EPS15: variants seen among roughly 807,000 people sequenced by gnomAD.
EPS15 encodes epidermal growth factor receptor pathway substrate 15, also known as epidermal growth factor receptor substrate 15.
EPS15 carries 72 observed loss-of-function variants against 113.8 expected under a neutral mutation model. The ratio of observed to expected loss-of-function variants is 0.63; its 90% CI spans 0.52 to 0.77. The LOEUF is 0.77. EPS15 is among the 30% of genes least tolerant of loss of function. EPS15 has a pLI of 0.00. For missense variants in EPS15, 1,048 were observed against 1,045.8 expected, an observed-to-expected ratio of 1.00 and a Z score of -0.03; for synonymous variants, 344 against 363.4, an observed-to-expected ratio of 0.95 and a Z score of 0.61.
chr1:51,394,373 T>A lies in EPS15; in HGVS notation c.2119+8A>T. ...ATGTTCAATGAAGTTGATAAATTAT[T>A]TATTTACCTGAATCGCTTGCTGCAA... On this transcript the variant is annotated splice_region_variant and intron_variant, in intron 21 of 24. Transcript: ENST00000371733. The A allele has an allele frequency of 6.4e-7, 1 of 1,570,660 alleles. No homozygotes were observed. Among genetic ancestry groups the A allele is most frequent in the South Asian group, 1.2e-5 (1 of 84,990 alleles).
At position 51,479,282 on chromosome 1, in the gene EPS15, G is replaced by A. The variant is rs189479621; in HGVS notation, c.75+1991C>T. 1.3e-3 allele frequency among the ~76,000 whole-genome samples: 202 copies of A among 152,178 alleles called. No homozygotes were observed. The Middle Eastern group carries it at 0.017, about 13-fold the overall frequency. On this transcript the variant is annotated intron_variant, in intron 2 of 24. Transcript: ENST00000371733. ...CTTGTGCTTGCGTCACGTAGTTCTCGTGCCATGGTTTTCAGCTCCATCAGG... is the reference window on the plus strand; with the variant it reads ...CTTGTGCTTGCGTCACGTAGTTCTCATGCCATGGTTTTCAGCTCCATCAGG...
intron 1 of EPS15, among the ~76,000 whole-genome samples, chr1:51,481,929 G>C (rs1454418802): frequency 6.6e-6 from 1 of 152,170 alleles, no homozygotes; most frequent in Non-Finnish European, 1.5e-5. Context: ...CAGCACTTTG[G>C]GAGGCTGAGG....
chr1:51,433,109 T>C (rs1651863953), intron 12 of EPS15, among the ~76,000 whole-genome samples: 1 of 152,212 alleles, frequency 6.6e-6, no homozygotes, highest in African/African-American at 2.4e-5. Context: ...TTTTAAAAAA[T>C]CGGTTCTTGA....
intron 1 of EPS15, among the ~76,000 whole-genome samples, chr1:51,493,160 A>C (rs949178600): frequency 6.6e-6 from 1 of 152,126 alleles, no homozygotes; most frequent in Non-Finnish European, 1.5e-5. Flanking sequence ...AGGAGATTGA[A>C]ACCATCCTGG....
In EPS15 at chr1:51,519,203, G is replaced by C; in HGVS notation, c.29C>G (p.Thr10Arg). The C allele has an allele frequency of 7.0e-7, 1 of 1,422,898 alleles. No individual in the cohort carries two copies. Among genetic ancestry groups the C allele is most frequent in the Non-Finnish European group, 9.3e-7 (1 of 1,077,340 alleles). 88.1% of individuals were successfully genotyped at this position (1,422,898 alleles called of 1,614,324 possible). The part of the protein sequence containing the change: MAAAAQLSL[T>R]QLSSGNPVYE... ...CGGACGGGCGTGTGGCGTTACCTGTGTCAGAGAGAGCTGGGCCGCCGCAGC... is the reference window on the plus strand; with the variant it reads ...CGGACGGGCGTGTGGCGTTACCTGTCTCAGAGAGAGCTGGGCCGCCGCAGC... Residue 10 changes from threonine (T) to arginine (R), a missense_variant, in exon 1 of 25, where the codon ACA (threonine) becomes AGA (arginine). By Grantham distance (71) the Thr-to-Arg change is moderately conservative. Transcript: ENST00000371733.
intron 9 of EPS15, among the ~76,000 whole-genome samples, chr1:51,447,632 A>C (rs754185244): frequency 1.3e-5 from 2 of 152,210 alleles, no homozygotes; most frequent in Non-Finnish European, 2.9e-5. Flanking sequence ...ACTAGGTATT[A>C]AACAAAAATA....
At chr1:51,507,676 A>T (rs1644520544) in intron 1 of EPS15, among the ~76,000 whole-genome samples, 1 of 151,802 alleles carries the variant, frequency 6.6e-6, no homozygotes, top group African/African-American at 2.4e-5. Flanking sequence ...AAAAAAAAGG[A>T]GAACAGAATA....
intron 11 of EPS15, among the ~76,000 whole-genome samples, chr1:51,442,196 ATC>A (rs1201553610): frequency 2.6e-5 from 4 of 152,148 alleles, no homozygotes; most frequent in African/African-American, 9.6e-5. Flanking sequence ...TTTTAACTCT[ATC>A]TAAACTTGAC....
rs752239932 is a variant in EPS15 at position 51,399,057 on chromosome 1, G to A, written c.2027C>T (p.Ala676Val). 35 of 1,613,734 alleles carry A rather than the reference G, an allele frequency of 2.2e-5. No individual in the cohort carries two copies. Among genetic ancestry groups the A allele is most frequent in the Non-Finnish European group, 3.0e-5 (35 of 1,179,870 alleles). ...CGATGTAATACTGCTATTGTTGGCT[G>A]CACTGAAAGGGTCAGTGCTTGAAGT... is the stretch of plus-strand genomic sequence containing the variant. ...FATSSTDPFS[A>V]ANNSSITSVE... is the part of the protein sequence containing the mutation. Residue 676 changes from alanine (A) to valine (V), a missense_variant, in exon 20 of 25, where the codon GCA becomes GTA. By Grantham distance (64) the Ala-to-Val change is moderately conservative. Transcript: ENST00000371733.
intron 12 of EPS15, among the ~76,000 whole-genome samples, chr1:51,429,789 T>C (rs1651552460): frequency 6.6e-6 from 1 of 152,106 alleles, no homozygotes. Context: ...TAGCTGGGAT[T>C]ACAGGCATCC....
chr1:51,416,812 T>C (rs1650262988), intron 13 of EPS15, among the ~76,000 whole-genome samples: 1 of 151,136 alleles, frequency 6.6e-6, no homozygotes, highest in South Asian at 2.1e-4. Context: ...ATGTTAATAG[T>C]TCATATCAAT....
chr1:51,461,829 T>G (rs141788001), intron 7 of EPS15: 7 of 152,314 alleles, frequency 4.6e-5, no homozygotes, highest in African/African-American at 1.7e-4. Context: ...AATATGGTGG[T>G]ATGGTGGTTG....
chr1:51,400,994 T>A, intron 18 of EPS15, 41 bp from the exon 19 acceptor site: 1 of 1,378,706 alleles, frequency 7.3e-7, no homozygotes, highest in Non-Finnish European at 1.0e-6. Flanking sequence ...ATAACAATAT[T>A]TACTGTGGTG....
intron 11 of EPS15, among the ~76,000 whole-genome samples, chr1:51,440,955 G>C (rs777733293): frequency 6.6e-6 from 1 of 151,956 alleles, no homozygotes; most frequent in Non-Finnish European, 1.5e-5. Flanking sequence ...AAAACCAACT[G>C]CTCAAGCATG....
At chr1:51,369,811 C>A (rs1321478316) in intron 21 of EPS15, among the ~76,000 whole-genome samples, 1 of 152,112 alleles carries the variant, frequency 6.6e-6, no homozygotes, top group Non-Finnish European at 1.5e-5. Context: ...TATACAAACT[C>A]TATGAAGACA....
intron 21 of EPS15, among the ~76,000 whole-genome samples, chr1:51,391,091 T>C (rs1462884702): frequency 6.6e-6 from 1 of 152,016 alleles, no homozygotes; most frequent in East Asian, 1.9e-4. Flanking sequence ...TAGACTGGAT[T>C]AAGAAAATGT....
intron 19 of EPS15, among the ~76,000 whole-genome samples, chr1:51,399,397 C>A (rs984277231): frequency 6.6e-6 from 1 of 151,794 alleles, no homozygotes; most frequent in African/African-American, 2.4e-5. Flanking sequence ...CTAAAAAACA[C>A]AAAAATTAGC....
intron 8 of EPS15, chr1:51,458,558 G>T (rs768579362): frequency 9.0e-6 from 4 of 443,878 alleles, no homozygotes; most frequent in Non-Finnish European, 1.4e-5. Flanking sequence ...CAAACACGGC[G>T]AAACGCTGTC....
At chr1:51,407,402 T>A (rs1448085826) in intron 15 of EPS15, among the ~76,000 whole-genome samples, 1 of 152,122 alleles carries the variant, frequency 6.6e-6, no homozygotes, top group Non-Finnish European at 1.5e-5. Flanking sequence ...TTTGGCCATG[T>A]TGGCAGGGCT....
Sources: gnomAD v4.1 joint callset for allele counts (sites outside exome capture counted in the v4.1 genomes callset) on GRCh38, gnomAD v4.1.1 for gene constraint, MANE v1.5 for transcripts, NCBI Gene and HGNC (gene_info 2026-07-23, HGNC 2026-07-21) for gene names.